Variants in MBNL2 observed in about 807,000 individuals in gnomAD.
MBNL2 encodes the protein muscleblind like splicing regulator 2.
In MBNL2, 17 loss-of-function variants were observed where a neutral mutation model predicts 41.9. The observed-to-expected ratio is 0.41, with a 90% CI of 0.28 to 0.61. The LOEUF is 0.61. Ranked by LOEUF, MBNL2 falls within the 20% of genes least tolerant of loss-of-function variation. The pLI is 0.35. For synonymous variants in MBNL2, 195 were observed against 182.9 expected (o/e 1.07, Z -0.53); for missense variants, 336 against 505.6 (o/e 0.66, Z 3.22).
chr13:97,307,770 CAT>C lies in MBNL2; in HGVS notation c.175-26504_175-26503del, dbSNP rs540440364. 4.4e-3 allele frequency among the ~76,000 whole-genome samples: 668 copies of C among 152,274 alleles called. 6 individuals are homozygous for C. Among genetic ancestry groups the C allele is most frequent in the Non-Finnish European group, 7.9e-3 (534 of 68,012 alleles). On this transcript the variant is annotated intron_variant, in intron 2 of 8. Coordinates refer to ENST00000679496, the MANE Select transcript of MBNL2 (RefSeq NM_001382683.1). ...ATGATCTCTTTCTTCTTCATTGAAT[CAT>C]AAAATCTTGGACCTGGAAAAGACTT...
chr13:97,150,198 A>G, the MBNL2 span, among the ~76,000 whole-genome samples: 1 of 152,122 alleles, frequency 6.6e-6, no homozygotes, highest in Non-Finnish European at 1.5e-5. Flanking sequence ...TGCCCACCAT[A>G]TGTTTACGTT....
intron 2 of MBNL2, among the ~76,000 whole-genome samples, chr13:97,315,142 A>T (rs1455094547): frequency 6.6e-6 from 1 of 152,136 alleles, no homozygotes; most frequent in Non-Finnish European, 1.5e-5. Context: ...TTTTTGTCTT[A>T]CTGGAAAAAA....
At chr13:97,331,220 C>A (rs2060409609) in intron 2 of MBNL2, among the ~76,000 whole-genome samples, 1 of 152,106 alleles carries the variant, frequency 6.6e-6, no homozygotes, top group South Asian at 2.1e-4. Context: ...TTTTTCTAAG[C>A]CTTATGCATG....
chr13:97,226,597 C>T (rs768290019), intron 1 of MBNL2, among the ~76,000 whole-genome samples: 1 of 152,078 alleles, frequency 6.6e-6, no homozygotes, highest in East Asian at 1.9e-4. Flanking sequence ...TAATTTTAGG[C>T]TTGGGGCAGT....
intron 4 of MBNL2, among the ~76,000 whole-genome samples, chr13:97,345,817 C>G (rs77941758): frequency 0.033 from 3,705 of 112,140 alleles, 71 homozygotes; most frequent in Admixed American, 0.057. Flanking sequence ...TTCTCTGATT[C>G]TTTTTGTACA....
the MBNL2 span, chr13:97,172,628 C>CCT: frequency 6.6e-6 from 1 of 152,120 alleles, no homozygotes; most frequent in Non-Finnish European, 1.5e-5. Context: ...AATCTTTTAT[C>CCT]AAATTGGTCG....
intron 2 of MBNL2, among the ~76,000 whole-genome samples, chr13:97,287,701 TTTTTCTTTTC>T (rs1323349336): frequency 2.0e-5 from 3 of 147,522 alleles, no homozygotes; most frequent in African/African-American, 5.2e-5. Flanking sequence ...TTCTTTCTAT[TTTTTCTTTTC>T]TTTTCTTTTC....
chr13:97,269,722 T>C (rs2050540940), intron 1 of MBNL2, among the ~76,000 whole-genome samples: 1 of 152,132 alleles, frequency 6.6e-6, no homozygotes, highest in African/African-American at 2.4e-5. Flanking sequence ...TCCCTTTGGT[T>C]GCAAAATAAA....
At chr13:97,250,353 A>C (rs1490928129) in intron 1 of MBNL2, among the ~76,000 whole-genome samples, 1 of 152,120 alleles carries the variant, frequency 6.6e-6, no homozygotes, top group Non-Finnish European at 1.5e-5. Context: ...GTTTCCTCTC[A>C]TTCCTTTCTT....
At chr13:97,217,454 C>T (rs2040477260), upstream of MBNL2, among the ~76,000 whole-genome samples, 1 of 151,984 alleles carries the variant, frequency 6.6e-6, no homozygotes, top group South Asian at 2.1e-4. Context: ...TGTCAAGGTG[C>T]CGTGAGAGTC....
chr13:97,211,204 T>G, the MBNL2 span, among the ~76,000 whole-genome samples: 1 of 151,772 alleles, frequency 6.6e-6, no homozygotes, highest in Non-Finnish European at 1.5e-5. Context: ...GATGAAAGAT[T>G]TCTTCTAGCC....
chr13:97,226,198 T>G (rs1020142150), intron 1 of MBNL2, among the ~76,000 whole-genome samples: 6 of 152,114 alleles, frequency 3.9e-5, no homozygotes, highest in Non-Finnish European at 7.4e-5. Context: ...CTGCTGAGAG[T>G]AAAAACAGGT....
chr13:97,374,773 T>C (rs530045745), intron 8 of MBNL2, among the ~76,000 whole-genome samples: 1 of 152,278 alleles, frequency 6.6e-6, no homozygotes, highest in African/African-American at 2.4e-5. Flanking sequence ...CTTTTGTTGA[T>C]GGTAGTAAAA....
intron 2 of MBNL2, among the ~76,000 whole-genome samples, chr13:97,324,228 C>T (rs1043925284): frequency 2.6e-5 from 4 of 152,170 alleles, no homozygotes; most frequent in Non-Finnish European, 5.9e-5. Flanking sequence ...CCTATCATGG[C>T]ATTGATCACT....
intron 1 of MBNL2, among the ~76,000 whole-genome samples, chr13:97,243,759 T>A (rs540910842): frequency 2.0e-4 from 30 of 152,332 alleles, no homozygotes; most frequent in South Asian, 1.0e-3. Context: ...ACAAACGAAT[T>A]AAGAGCTAAA....
chr13:97,198,549 TATTA>T, the MBNL2 span, among the ~76,000 whole-genome samples: 2,213 of 151,256 alleles, frequency 0.015, 33 homozygotes, highest in African/African-American at 0.042. Flanking sequence ...ATACACATTA[TATTA>T]ATTCTGTTTC....
At chr13:97,378,837 A>G (rs2065181852) in intron 8 of MBNL2, among the ~76,000 whole-genome samples, 1 of 152,204 alleles carries the variant, frequency 6.6e-6, no homozygotes, top group Admixed American at 6.5e-5. Flanking sequence ...AAAAACCACT[A>G]TTACATATCA....
At chr13:97,251,470 C>A (rs939078256) in intron 1 of MBNL2, among the ~76,000 whole-genome samples, 2 of 152,118 alleles carry the variant, frequency 1.3e-5, no homozygotes, top group South Asian at 2.1e-4. Flanking sequence ...TTTCTTTTTG[C>A]TGGAGATTAA....
the MBNL2 span, among the ~76,000 whole-genome samples, chr13:97,215,951 G>A: frequency 5.3e-4 from 81 of 152,284 alleles, 4 homozygotes; most frequent in South Asian, 0.014. Flanking sequence ...CAGACATTGA[G>A]CACTGCTATG....
Sources: gnomAD v4.1 joint callset for allele counts (sites outside exome capture counted in the v4.1 genomes callset) on GRCh38, gnomAD v4.1.1 for gene constraint, MANE v1.5 for transcripts, NCBI Gene and HGNC (gene_info 2026-07-23, HGNC 2026-07-21) for gene names.